CDK5RAP2: variants seen among roughly 807,000 people sequenced by gnomAD.
CDK5RAP2 encodes the protein CDK5 regulatory subunit associated protein 2, also known as CDK5 regulatory subunit-associated protein 2.
CDK5RAP2 carries 147 observed loss-of-function variants against 232.9 expected under a neutral mutation model. The observed-to-expected ratio is 0.63, with a 90% CI of 0.55 to 0.72. The LOEUF is 0.72. Among genes scored for constraint, CDK5RAP2 ranks in the 30% least tolerant of loss-of-function variants. The pLI, the probability that CDK5RAP2 is intolerant of heterozygous loss-of-function variation, is 0.00. For synonymous variants in CDK5RAP2, 833 were observed against 833.7 expected (o/e 1.00, Z 0.01); for missense variants, 2,195 against 2,231.5 (o/e 0.98, Z 0.33).
At chr9:120,478,452 G>A (rs1298205448) in intron 14 of CDK5RAP2, among the ~76,000 whole-genome samples, 1 of 152,188 alleles carries the variant, frequency 6.6e-6, no homozygotes, top group Non-Finnish European at 1.5e-5. Context: ...TTCCAGAGAT[G>A]TAATATACAG....
intron 12 of CDK5RAP2, chr9:120,517,888 T>C (rs1417707802): frequency 5.6e-6 from 2 of 354,102 alleles, no homozygotes; most frequent in Admixed American, 3.3e-5. Context: ...AGTGAGACCC[T>C]GTCTCAAAAA....
intron 3 of CDK5RAP2, among the ~76,000 whole-genome samples, chr9:120,567,135 T>A (rs930109955): frequency 4.6e-5 from 7 of 152,226 alleles, no homozygotes; most frequent in East Asian, 3.8e-4. Context: ...TAGAGCATAT[T>A]TTAATTATAC....
chr9:120,517,906 A>C (rs1171894794), intron 12 of CDK5RAP2: 1 of 321,242 alleles, frequency 3.1e-6, no homozygotes, highest in East Asian at 8.5e-5. Flanking sequence ...AAAAAACAAC[A>C]AAGAATCAGT....
intron 25 of CDK5RAP2, among the ~76,000 whole-genome samples, chr9:120,436,740 T>C (rs1387886287): frequency 1.3e-5 from 2 of 152,056 alleles, no homozygotes; most frequent in African/African-American, 2.4e-5. Flanking sequence ...GGGTGCACAG[T>C]AAATGGGAGT....
At chr9:120,509,625 G>A (rs988601678) in intron 12 of CDK5RAP2, among the ~76,000 whole-genome samples, 5 of 152,178 alleles carry the variant, frequency 3.3e-5, no homozygotes, top group African/African-American at 7.2e-5. Context: ...AAATTGCTAC[G>A]TTTCTAGTGC....
intron 3 of CDK5RAP2, among the ~76,000 whole-genome samples, chr9:120,563,455 G>C (rs914020159): frequency 1.3e-5 from 2 of 152,184 alleles, no homozygotes; most frequent in African/African-American, 4.8e-5. Context: ...AGAACCCAGG[G>C]CAGTGGTTGT....
At chr9:120,434,679 C>T (rs950991219) in intron 25 of CDK5RAP2, among the ~76,000 whole-genome samples, 2 of 152,026 alleles carry the variant, frequency 1.3e-5, no homozygotes, top group African/African-American at 4.8e-5. Context: ...CAGAGGCAGC[C>T]AGGGAGGGAG....
chr9:120,394,459 C>T, intron 36 of CDK5RAP2, 53 bp downstream of exon 36: 1 of 1,612,874 alleles, frequency 6.2e-7, no homozygotes, highest in Non-Finnish European at 8.5e-7. Flanking sequence ...GAACTGGGAG[C>T]CCTCGGAGGC....
At chr9:120,545,016 CTTG>C (rs1283709514) in intron 5 of CDK5RAP2, among the ~76,000 whole-genome samples, 1 of 152,076 alleles carries the variant, frequency 6.6e-6, no homozygotes, top group African/African-American at 2.4e-5. Flanking sequence ...CTGAACTGTG[CTTG>C]TTGTTCAATA....
In CDK5RAP2 at chr9:120,518,416, G is replaced by A. The variant is rs1348518416; in HGVS notation, c.1311+11C>T. ...CTGTCCACTGTGTCAGAAGGGCAGG[G>A]CGGTACTCACACGGATGGTGCAGTC... On this transcript the variant is annotated intron_variant, in intron 12 of 37. Transcript: ENST00000349780. The A allele has an allele frequency of 6.2e-7, 1 of 1,610,030 alleles. No individual in the cohort carries two copies. The highest frequency in any genetic ancestry group is 8.5e-7 in the Non-Finnish European group (1 of 1,177,374).
intron 11 of CDK5RAP2, among the ~76,000 whole-genome samples, chr9:120,524,654 T>G (rs572089986): frequency 1.3e-5 from 2 of 151,750 alleles, no homozygotes; most frequent in East Asian, 3.9e-4. Context: ...AAAAAAAAAT[T>G]TAAAAACACA....
At chr9:120,436,608 G>A (rs947038028) in intron 25 of CDK5RAP2, among the ~76,000 whole-genome samples, 1 of 152,156 alleles carries the variant, frequency 6.6e-6, no homozygotes, top group Non-Finnish European at 1.5e-5. Context: ...TATCTAGGGA[G>A]AAAGGAACAT....
At chr9:120,518,290 G>C (rs567237263) in intron 12 of CDK5RAP2, 137 bp downstream of exon 12, 1 of 661,248 alleles carries the variant, frequency 1.5e-6, no homozygotes, top group Non-Finnish European at 2.7e-6. Context: ...AAATGAAGCT[G>C]GTCATTTCTA....
chr9:120,539,160 CT>C lies in CDK5RAP2; in HGVS notation c.387del (p.Ala130GlnfsTer5). 6.2e-7 allele frequency: 1 copy of C among 1,613,898 alleles called. No individual in the cohort carries two copies. The highest frequency in any genetic ancestry group is 8.5e-7 in the Non-Finnish European group (1 of 1,179,822). ...CCTGCTTCAGCTAAGCTCTCAACTG[CT>C]TTGCTGCAAAAAGAGGCACAGGGGT... Reference protein sequence around the residue: ...EREQLLIKASKAVESLAEAGG... With the variant: ...EREQLLIKASXAVESLAEAGG... On this transcript the variant is annotated frameshift_variant, in exon 6 of 38. Coordinates refer to ENST00000349780, the MANE Select transcript of CDK5RAP2 (RefSeq NM_018249.6). LOFTEE classifies it high-confidence loss of function.
At position 120,468,017 on chromosome 9, in the gene CDK5RAP2, A is replaced by C; in HGVS notation, c.1969-20T>G. 5 of 1,612,450 alleles carry C rather than the reference A, an allele frequency of 3.1e-6. No individual in the cohort carries two copies. The highest frequency in any genetic ancestry group is 4.2e-6 in the Non-Finnish European group (5 of 1,178,928). ...ACTGACCTAGGAGGTAAGAACAGGG[A>C]AAAGGCTGTCTACCCAGCAAGAGAC... On this transcript the variant is annotated intron_variant, in intron 17 of 37. Transcript: ENST00000349780.
chr9:120,552,904 AG>A, intron 3 of CDK5RAP2, among the ~76,000 whole-genome samples: 1 of 152,274 alleles, frequency 6.6e-6, no homozygotes, highest in East Asian at 1.9e-4. Flanking sequence ...GAGTAGAGAC[AG>A]GAAAAAAAGA....
chr9:120,533,257 C>T (rs147984663), intron 7 of CDK5RAP2, among the ~76,000 whole-genome samples: 10 of 152,236 alleles, frequency 6.6e-5, no homozygotes, highest in South Asian at 2.1e-4. Context: ...ATTCCCAGCA[C>T]GCATTCCCAA....
At chr9:120,518,332 A>T in intron 12 of CDK5RAP2, 95 bp downstream of exon 12, 1 of 964,078 alleles carries the variant, frequency 1.0e-6, no homozygotes, top group Non-Finnish European at 1.7e-6. Flanking sequence ...ATATTTTCTT[A>T]AGTCTTCTGT....
chr9:120,408,517 G>C, intron 30 of CDK5RAP2, 49 bp from the exon 31 acceptor site: 1 of 1,611,436 alleles, frequency 6.2e-7, no homozygotes, highest in East Asian at 2.2e-5. Context: ...TCTACCTCAG[G>C]GTAACTTATT....
Sources: gnomAD v4.1 joint callset for allele counts (sites outside exome capture counted in the v4.1 genomes callset) on GRCh38, gnomAD v4.1.1 for gene constraint, MANE v1.5 for transcripts, NCBI Gene and HGNC (gene_info 2026-07-23, HGNC 2026-07-21) for gene names.